The following SCN3A variants were observed in gnomAD, a reference collection of about 807,000 sequenced individuals.
SCN3A encodes sodium voltage-gated channel alpha subunit 3.
In SCN3A, 60 loss-of-function variants were observed where a neutral mutation model predicts 187.6. The ratio of observed to expected loss-of-function variants is 0.32; its 90% CI spans 0.26 to 0.40. SCN3A has a LOEUF of 0.40. Ranked by LOEUF, SCN3A falls within the 10% of genes least tolerant of loss-of-function variation. The probability of loss-of-function intolerance (pLI) is 1.00; values close to 1 mark genes in which losing one functional copy is unlikely to be tolerated. For missense variants in SCN3A, 1,601 were observed against 2,428.2 expected (o/e 0.66, Z 7.16); for synonymous variants, 788 against 829.2 (o/e 0.95, Z 0.85).
chr2:165,152,285 T>C (rs1016291079), intron 11 of SCN3A, among the ~76,000 whole-genome samples: 2 of 152,178 alleles, frequency 1.3e-5, no homozygotes, highest in African/African-American at 4.8e-5. Context: ...AACTGTATTG[T>C]GTATGTTCAC....
intron 3 of SCN3A, among the ~76,000 whole-genome samples, chr2:165,172,790 C>T (rs147431686): frequency 3.9e-5 from 6 of 152,224 alleles, no homozygotes; most frequent in Non-Finnish European, 5.9e-5. Flanking sequence ...AGAGCATCTT[C>T]GTTGAATTTA....
chr2:165,125,394 A>G (rs1355546331), intron 18 of SCN3A, among the ~76,000 whole-genome samples: 2 of 151,776 alleles, frequency 1.3e-5, no homozygotes, highest in Non-Finnish European at 2.9e-5. Context: ...AGCTCCGCCT[A>G]CCGGGTTCAC....
chr2:165,191,657 C>T (rs914680271), intron 1 of SCN3A, among the ~76,000 whole-genome samples: 2 of 152,194 alleles, frequency 1.3e-5, no homozygotes, highest in Non-Finnish European at 2.9e-5. Flanking sequence ...GCTCACACTT[C>T]TCCTCTAATC....
At position 165,198,762 on chromosome 2, in the gene SCN3A, A is replaced by G. The variant is rs185910223; in HGVS notation, c.-248+5061T>C. ...CTTCTAGAATTTATTATTTAAGGTC[A>G]TGACCAACCATTATATAAATTCCAT... On this transcript the variant is annotated intron_variant, in intron 1 of 27. Transcript: ENST00000283254. Among the ~76,000 whole-genome samples, 75 of 152,176 alleles carry G rather than the reference A, an allele frequency of 4.9e-4. 1 individual carries two copies. The highest frequency in any genetic ancestry group is 1.7e-3 in the African/African-American group (69 of 41,552).
At chr2:165,095,105 T>C (rs540781018) in intron 25 of SCN3A, among the ~76,000 whole-genome samples, 14 of 152,216 alleles carry the variant, frequency 9.2e-5, no homozygotes, top group African/African-American at 3.4e-4. Context: ...TACAAGAGAA[T>C]GCTTGTTCAG....
intron 17 of SCN3A, among the ~76,000 whole-genome samples, chr2:165,128,738 G>A (rs1408574647): frequency 6.6e-6 from 1 of 152,124 alleles, no homozygotes; most frequent in Non-Finnish European, 1.5e-5. Context: ...AAATCTAAAA[G>A]TATACCAGGG....
chr2:165,120,325 C>T (rs1209129528), intron 18 of SCN3A, among the ~76,000 whole-genome samples: 4 of 151,844 alleles, frequency 2.6e-5, no homozygotes, highest in Non-Finnish European at 4.4e-5. Context: ...AAAAAGGCCA[C>T]GAGACCATTC....
rs754062244 is a variant in SCN3A at position 165,158,181 on chromosome 2, C to T, written c.1032-2278G>A. Among the ~76,000 whole-genome samples, 10 of 140,170 alleles carry T rather than the reference C, an allele frequency of 7.1e-5. 2 individuals are homozygous for T. In the South Asian group the frequency reaches 1.8e-3, roughly 25 times the overall value. The allele number at this position is 140,170 out of a possible 152,430, so 92.0% of individuals were successfully genotyped here. On this transcript the variant is annotated intron_variant, in intron 9 of 27. Transcript: ENST00000283254. The stretch of plus-strand genomic sequence containing the variant: ...ATTGCTCAGTACTGGTACACATGCA[C>T]AGTGGTTTCAGGATTGTTAATCTAT...
At chr2:165,105,610 T>C (rs1685812131) in intron 21 of SCN3A, among the ~76,000 whole-genome samples, 1 of 151,828 alleles carries the variant, frequency 6.6e-6, no homozygotes, top group African/African-American at 2.4e-5. Context: ...GACAGAGGGA[T>C]TTGGCCAGCT....
chr2:165,144,170 A>G (rs1241535612), intron 12 of SCN3A, among the ~76,000 whole-genome samples: 4 of 152,198 alleles, frequency 2.6e-5, no homozygotes, highest in African/African-American at 9.6e-5. Context: ...CACCACCTTC[A>G]CTGATTCTCT....
At chr2:165,168,475 C>T (rs776778501) in intron 5 of SCN3A, among the ~76,000 whole-genome samples, 1 of 151,914 alleles carries the variant, frequency 6.6e-6, no homozygotes, top group Non-Finnish European at 1.5e-5. Context: ...TAATTTTAGG[C>T]TAGGTGATTG....
chr2:165,155,330 TTTCCC>T (rs999546127), intron 10 of SCN3A, among the ~76,000 whole-genome samples: 8 of 152,058 alleles, frequency 5.3e-5, no homozygotes, highest in African/African-American at 1.9e-4. Flanking sequence ...AAGCAGGTCC[TTTCCC>T]TTCCCTTCCC....
At position 165,092,042 on chromosome 2, in the gene SCN3A, T is replaced by G; in HGVS notation, c.4807+212A>C. 1 of 602,592 alleles carries G rather than the reference T, an allele frequency of 1.7e-6. No individual in the cohort carries two copies. 37.3% of individuals were successfully genotyped at this position (602,592 alleles called of 1,614,324 possible). On this transcript the variant is annotated intron_variant, in intron 27 of 27. Transcript: ENST00000283254. The surrounding 1 kb of genome is among the most constrained non-coding windows in gnomAD (Gnocchi z 4.2). ...TTTATTTCCTGTCTTCTTCACCTCT[T>G]TCCCAAATCTGGTATTCCTAACATG...
intron 21 of SCN3A, among the ~76,000 whole-genome samples, chr2:165,109,610 C>T (rs1049663764): frequency 6.6e-6 from 1 of 152,076 alleles, no homozygotes; most frequent in Non-Finnish European, 1.5e-5. Context: ...GTCTCATCAC[C>T]TTGGTCTAAA....
intron 2 of SCN3A, among the ~76,000 whole-genome samples, chr2:165,178,140 G>C (rs1326520129): frequency 6.6e-6 from 1 of 151,942 alleles, no homozygotes; most frequent in African/African-American, 2.4e-5. Flanking sequence ...ATGTGTGTGG[G>C]GGTTTTTTTG....
chr2:165,127,483 A>T, intron 18 of SCN3A, 148 bp downstream of exon 18: 1 of 679,656 alleles, frequency 1.5e-6, no homozygotes, highest in Non-Finnish European at 2.5e-6. Context: ...CCCAATAAAG[A>T]GTATCTTGTG....
At chr2:165,122,632 A>G (rs761345765) in intron 18 of SCN3A, among the ~76,000 whole-genome samples, 3 of 152,204 alleles carry the variant, frequency 2.0e-5, no homozygotes, top group Non-Finnish European at 4.4e-5. Context: ...AGAATTAAAT[A>G]TGATGTTGGG....
chr2:165,094,237 A>G, intron 26 of SCN3A, 137 bp downstream of exon 26: 3 of 771,402 alleles, frequency 3.9e-6, no homozygotes, highest in Non-Finnish European at 4.7e-6. Context: ...GTTGTGAATT[A>G]TGATGCAAAA....
chr2:165,164,463 C>A lies in SCN3A; in HGVS notation c.531G>T (p.Gly177=), dbSNP rs1428417385. The A allele has an allele frequency of 3.1e-6, 5 of 1,613,608 alleles. No homozygotes were observed. Among genetic ancestry groups the A allele is most frequent in the East Asian group, 4.5e-5 (2 of 44,814 alleles). Residue 177 remains glycine (G), a synonymous_variant, in exon 6 of 28, where the codon GGG becomes GGT. Coordinates refer to ENST00000283254, the MANE Select transcript of SCN3A (RefSeq NM_006922.4). ...GAAACGTAAAATCTTCTAAGCAAAA[C>A]CCTCTTGCCAAGATTTTTATAAGTG... ...FESLIKILAR[G]FCLEDFTFLR...
Sources: allele counts gnomAD v4.1 joint callset (sites outside exome capture counted in the v4.1 genomes callset), GRCh38; gene constraint gnomAD v4.1.1; non-coding constraint Gnocchi (gnomAD v3.1); transcripts MANE v1.5; gene names NCBI Gene and HGNC (gene_info 2026-07-23, HGNC 2026-07-21).